ANGPT2: variants seen among roughly 807,000 people sequenced by gnomAD.
ANGPT2 encodes the protein angiopoietin 2.
Under a neutral mutation model 62.9 loss-of-function variants are expected in ANGPT2, and 28 were observed. The ratio of observed to expected loss-of-function variants is 0.44; its 90% CI spans 0.33 to 0.61. The LOEUF is 0.61. Among genes scored for constraint, ANGPT2 ranks in the 20% least tolerant of loss-of-function variants. The probability of loss-of-function intolerance (pLI) is 0.03; values close to 1 mark genes in which losing one functional copy is unlikely to be tolerated. For missense variants in ANGPT2, 727 were observed against 594.9 expected (o/e 1.22, Z -2.31); for synonymous variants, 284 against 207.8 (o/e 1.37, Z -3.15).
At chr8:6,550,431 C>T (rs1823431416) in intron 1 of ANGPT2, among the ~76,000 whole-genome samples, 1 of 152,246 alleles carries the variant, frequency 6.6e-6, no homozygotes, top group African/African-American at 2.4e-5. Flanking sequence ...GTTGCCCTGG[C>T]ACCAAGCCAA....
rs755414273 is a variant in ANGPT2, at chr8:6,507,201, T to C, written c.1327+1731A>G. Among the ~76,000 whole-genome samples the C allele has an allele frequency of 8.8e-4, 134 of 152,260 alleles. No individual in the cohort carries two copies. The Middle Eastern group carries it at 0.014, about 15-fold the overall frequency. On this transcript the variant is annotated intron_variant, in intron 8 of 8. Transcript: ENST00000629816. ...GCGGGGGCCACCATGCCCAGCCCTA[T>C]TAATGATTCCTATAGTGTAAATGCA...
intron 7 of ANGPT2, among the ~76,000 whole-genome samples, chr8:6,512,524 C>A (rs184988377): frequency 1.3e-5 from 2 of 152,316 alleles, no homozygotes; most frequent in East Asian, 1.9e-4. Flanking sequence ...CACGAGGCGC[C>A]ACCAGTCTGT....
intron 1 of ANGPT2, among the ~76,000 whole-genome samples, chr8:6,554,527 A>G (rs1366375503): frequency 6.6e-6 from 1 of 152,216 alleles, no homozygotes; most frequent in East Asian, 1.9e-4. Context: ...AAAAATTATA[A>G]AATTACATAT....
intron 3 of ANGPT2, among the ~76,000 whole-genome samples, chr8:6,526,412 C>T (rs1017362831): frequency 6.6e-6 from 1 of 151,076 alleles, no homozygotes; most frequent in Non-Finnish European, 1.5e-5. Flanking sequence ...CCAGCCAGGG[C>T]AACCAGAGTG....
chr8:6,504,589 C>T (rs1469075346), intron 8 of ANGPT2, among the ~76,000 whole-genome samples: 5 of 152,008 alleles, frequency 3.3e-5, no homozygotes, highest in Non-Finnish European at 4.4e-5. Context: ...ATGATGCTGG[C>T]AATTCAGATA....
intron 4 of ANGPT2, among the ~76,000 whole-genome samples, chr8:6,520,351 G>A (rs1204994498): frequency 6.6e-6 from 1 of 152,106 alleles, no homozygotes; most frequent in East Asian, 1.9e-4. Flanking sequence ...AACTTAGTAT[G>A]GAAGAATTTA....
At chr8:6,549,952 C>G (rs542696891) in intron 1 of ANGPT2, among the ~76,000 whole-genome samples, 10 of 152,356 alleles carry the variant, frequency 6.6e-5, no homozygotes, top group Admixed American at 5.9e-4. Context: ...CTAGCTATAG[C>G]CATGCCAGCA....
chr8:6,556,108 C>G (rs1824567106), intron 1 of ANGPT2, among the ~76,000 whole-genome samples: 1 of 152,108 alleles, frequency 6.6e-6, no homozygotes, highest in Admixed American at 6.5e-5. Context: ...CAAGACTAAC[C>G]AAGGGTGTCA....
chr8:6,518,699 C>G (rs934339718), intron 5 of ANGPT2, among the ~76,000 whole-genome samples: 5 of 152,122 alleles, frequency 3.3e-5, no homozygotes, highest in African/African-American at 9.7e-5. Context: ...AAAATTTCCA[C>G]TTTGGTACAG....
At chr8:6,547,987 T>A (rs1172784308) in intron 1 of ANGPT2, among the ~76,000 whole-genome samples, 3 of 152,104 alleles carry the variant, frequency 2.0e-5, no homozygotes, top group African/African-American at 7.2e-5. Flanking sequence ...AGTGAATTCT[T>A]GAACGCTTCC....
chr8:6,547,303 C>A (rs766454958), intron 1 of ANGPT2, among the ~76,000 whole-genome samples: 1 of 152,060 alleles, frequency 6.6e-6, no homozygotes, highest in Middle Eastern at 3.2e-3. Flanking sequence ...AGTACAGAGA[C>A]TTGAATCATT....
chr8:6,549,281 AAAG>A (rs1823162359), intron 1 of ANGPT2, among the ~76,000 whole-genome samples: 1 of 152,266 alleles, frequency 6.6e-6, no homozygotes, highest in African/African-American at 2.4e-5. Flanking sequence ...CGGTGATGGA[AAAG>A]AAGAAACTTT....
At chr8:6,521,528 T>C (rs7463438) in intron 3 of ANGPT2, 118 bp from the exon 4 acceptor site, 1 of 760,064 alleles carries the variant, frequency 1.3e-6, no homozygotes, top group Non-Finnish European at 2.0e-6. Flanking sequence ...TATAAAGTAA[T>C]ATGATGTTAC....
rs1035591191 is a variant in ANGPT2 at position 6,526,913 on chromosome 8, C to G, written c.566+642G>C. 2.6e-5 allele frequency among the ~76,000 whole-genome samples: 4 copies of G among 151,964 alleles called. No homozygotes were observed. The East Asian group carries it at 5.8e-4, about 22-fold the overall frequency. On this transcript the variant is annotated intron_variant, in intron 3 of 8. Transcript: ENST00000629816. Reference sequence around the variant, plus strand: ...TTCTATTGTTGATCTTGAGATTTTTCTATATTTTATTTAAATATTAATATA... The same window carrying G: ...TTCTATTGTTGATCTTGAGATTTTTGTATATTTTATTTAAATATTAATATA...
Position 6,499,881 on chromosome 8 carries a change from G to A in ANGPT2, c.*3220C>T, listed in dbSNP as rs200997321. On this transcript the variant is annotated 3_prime_UTR_variant, in exon 9 of 9. Coordinates refer to ENST00000629816, the MANE Select transcript of ANGPT2 (RefSeq NM_001118887.2). ...TATGGTCTTTAGAATTGGGTCACTGGATTTCTGAGGAGCCGTTCGAACTGT... is the reference window on the plus strand; with the variant it reads ...TATGGTCTTTAGAATTGGGTCACTGAATTTCTGAGGAGCCGTTCGAACTGT... The A allele has an allele frequency of 6.2e-6, 10 of 1,613,476 alleles. No individual in the cohort carries two copies. The highest frequency in any genetic ancestry group is 1.7e-5 in the Admixed American group (1 of 60,006).
intron 1 of ANGPT2, among the ~76,000 whole-genome samples, chr8:6,553,960 A>T (rs1326268112): frequency 1.3e-5 from 2 of 152,044 alleles, no homozygotes; most frequent in Admixed American, 6.6e-5. Context: ...TTCTGTGTGT[A>T]GCATGTCCAG....
chr8:6,526,338 A>G (rs528018680), intron 3 of ANGPT2, among the ~76,000 whole-genome samples: 354 of 150,884 alleles, frequency 2.3e-3, no homozygotes, highest in Non-Finnish European at 2.5e-3. Context: ...GGAGGCTGAC[A>G]TGGGAGAATC....
chr8:6,538,129 A>G (rs141421201), intron 1 of ANGPT2, among the ~76,000 whole-genome samples: 141 of 152,030 alleles, frequency 9.3e-4, no homozygotes, highest in African/African-American at 3.3e-3. Context: ...CCAATGATCC[A>G]TCCATCTTCC....
intron 1 of ANGPT2, among the ~76,000 whole-genome samples, chr8:6,541,109 G>A (rs1821478293): frequency 6.6e-6 from 1 of 152,212 alleles, no homozygotes; most frequent in African/African-American, 2.4e-5. Context: ...TTGTGGGAAG[G>A]CCTGAGGCAA....
Sources: allele counts gnomAD v4.1 joint callset (sites outside exome capture counted in the v4.1 genomes callset), GRCh38; gene constraint gnomAD v4.1.1; transcripts MANE v1.5; gene names NCBI Gene and HGNC (gene_info 2026-07-23, HGNC 2026-07-21).